Variants in NAV2 observed in about 807,000 individuals in gnomAD.
NAV2 encodes the protein neuron navigator 2.
In NAV2, 54 loss-of-function variants were observed where a neutral mutation model predicts 223.2. The observed-to-expected ratio is 0.24, with a 90% CI of 0.19 to 0.30. The LOEUF (loss-of-function observed/expected upper bound fraction) is 0.30. NAV2 is among the 10% of genes least tolerant of loss of function. The probability of loss-of-function intolerance (pLI) is 1.00; values close to 1 mark genes in which losing one functional copy is unlikely to be tolerated. For synonymous variants in NAV2, 1,279 were observed against 1,239.3 expected, an observed-to-expected ratio of 1.03 and a Z score of -0.67; for missense variants, 2,806 against 3,147.5, an observed-to-expected ratio of 0.89 and a Z score of 2.60.
At chr11:20,089,583 C>T (rs2060684417) in intron 26 of NAV2, among the ~76,000 whole-genome samples, 1 of 152,162 alleles carries the variant, frequency 6.6e-6, no homozygotes, top group African/African-American at 2.4e-5. Flanking sequence ...ACATAATCAG[C>T]TTCAGCTTTG....
At chr11:19,419,566 C>T (rs4279985) in intron 1 of NAV2, among the ~76,000 whole-genome samples, 104,845 of 152,030 alleles carry the variant, frequency 0.69, 36,236 homozygotes, top group Admixed American at 0.72. Flanking sequence ...GATGTGAAGA[C>T]GTGGGGAATG....
chr11:19,368,040 C>A (rs1330633236), intron 1 of NAV2, among the ~76,000 whole-genome samples: 1 of 152,166 alleles, frequency 6.6e-6, no homozygotes, highest in Non-Finnish European at 1.5e-5. Context: ...TTCCCAAAGG[C>A]CAGATTTGGG....
intron 1 of NAV2, among the ~76,000 whole-genome samples, chr11:19,421,154 A>G (rs1198853943): frequency 2.6e-5 from 4 of 152,022 alleles, no homozygotes; most frequent in African/African-American, 9.7e-5. Context: ...CCATCTCTTC[A>G]TGTTCACCTG....
intron 1 of NAV2, among the ~76,000 whole-genome samples, chr11:19,820,261 C>A (rs11025272): frequency 0.47 from 71,938 of 152,100 alleles, 18,174 homozygotes; most frequent in East Asian, 0.59. Context: ...TGCTCCCAAG[C>A]CTTTCTGCAA....
intron 1 of NAV2, among the ~76,000 whole-genome samples, chr11:19,401,423 C>T (rs1590130790): frequency 6.6e-6 from 1 of 152,210 alleles, no homozygotes; most frequent in East Asian, 1.9e-4. Context: ...TTATGTATGG[C>T]ATTTGGCATT....
At chr11:19,816,109 C>G (rs1302303585) in intron 1 of NAV2, among the ~76,000 whole-genome samples, 1 of 152,114 alleles carries the variant, frequency 6.6e-6, no homozygotes, top group East Asian at 1.9e-4. Flanking sequence ...ATGAAAAACC[C>G]GAGATGCCCT....
chr11:19,911,449 CTGAA>C (rs1375452079), intron 6 of NAV2, among the ~76,000 whole-genome samples: 2 of 152,126 alleles, frequency 1.3e-5, no homozygotes, highest in African/African-American at 4.8e-5. Flanking sequence ...GTGTAGGTGT[CTGAA>C]TGAAGTAGGC....
At chr11:19,428,472 T>C (rs749428386) in intron 1 of NAV2, among the ~76,000 whole-genome samples, 16 of 152,234 alleles carry the variant, frequency 1.1e-4, no homozygotes, top group Admixed American at 2.6e-4. Flanking sequence ...TTAATTGGTT[T>C]CGCATCCAAA....
intron 6 of NAV2, among the ~76,000 whole-genome samples, chr11:19,907,689 T>C (rs1231268453): frequency 6.6e-6 from 1 of 152,260 alleles, no homozygotes; most frequent in East Asian, 1.9e-4. Flanking sequence ...CCAATTATAT[T>C]CCTATAAAAC....
chr11:19,536,388 G>A (rs1021808073), intron 1 of NAV2, among the ~76,000 whole-genome samples: 12 of 152,202 alleles, frequency 7.9e-5, no homozygotes, highest in African/African-American at 2.9e-4. Flanking sequence ...TCTAAGCCCC[G>A]TATGGAAGGT....
chr11:19,589,198 T>C (rs1034523551), intron 1 of NAV2, among the ~76,000 whole-genome samples: 1 of 152,166 alleles, frequency 6.6e-6, no homozygotes, highest in Non-Finnish European at 1.5e-5. Context: ...AGTTTATCAA[T>C]TTAATGACAG....
intron 1 of NAV2, among the ~76,000 whole-genome samples, chr11:19,535,625 T>C (rs2044162743): frequency 6.6e-6 from 1 of 152,222 alleles, no homozygotes; most frequent in Admixed American, 6.5e-5. Flanking sequence ...ATTTATCCCT[T>C]ATTAATAAAT....
intron 6 of NAV2, among the ~76,000 whole-genome samples, chr11:19,913,877 C>G (rs897987495): frequency 1.3e-5 from 2 of 152,148 alleles, no homozygotes; most frequent in Admixed American, 6.5e-5. Flanking sequence ...CGCATAGTCT[C>G]CAAAAACTAC....
chr11:19,946,018 G>T (rs1477557013), intron 8 of NAV2, among the ~76,000 whole-genome samples: 1 of 152,338 alleles, frequency 6.6e-6, no homozygotes, highest in Admixed American at 6.5e-5. Flanking sequence ...ATCACCAATA[G>T]GTGAGAAAAC....
At chr11:19,667,805 A>T (rs1000633233) in intron 1 of NAV2, among the ~76,000 whole-genome samples, 1 of 152,242 alleles carries the variant, frequency 6.6e-6, no homozygotes. Context: ...GAACAGTGTC[A>T]TGGTTAAAAC....
chr11:19,946,823 G>A (rs754917082), intron 9 of NAV2, among the ~76,000 whole-genome samples: 2 of 152,224 alleles, frequency 1.3e-5, no homozygotes, highest in Non-Finnish European at 2.9e-5. Context: ...AAATGAGCAG[G>A]TGAACTATAT....
chr11:19,893,922 G>A (rs1372933988), intron 6 of NAV2, among the ~76,000 whole-genome samples: 1 of 152,180 alleles, frequency 6.6e-6, no homozygotes, highest in South Asian at 2.1e-4. Context: ...TTGTAAAATG[G>A]TACAAGTATC....
At chr11:19,387,497 A>G (rs975371024) in intron 1 of NAV2, among the ~76,000 whole-genome samples, 1 of 152,134 alleles carries the variant, frequency 6.6e-6, no homozygotes, top group Non-Finnish European at 1.5e-5. Context: ...CATTTCCTCC[A>G]GGGGACATTT....
At chr11:19,379,893 C>T (rs1444108036) in intron 1 of NAV2, among the ~76,000 whole-genome samples, 1 of 152,130 alleles carries the variant, frequency 6.6e-6, no homozygotes, top group Non-Finnish European at 1.5e-5. Context: ...ATTTAACAGG[C>T]TCTTCCAAAT....
Sources: gnomAD v4.1 joint callset for allele counts (sites outside exome capture counted in the v4.1 genomes callset) on GRCh38, gnomAD v4.1.1 for gene constraint, MANE v1.5 for transcripts, NCBI Gene and HGNC (gene_info 2026-07-23, HGNC 2026-07-21) for gene names.